ARHGAP24: variants seen among roughly 807,000 people sequenced by gnomAD.
ARHGAP24 encodes rho GTPase-activating protein 24.
Under a neutral mutation model 76.4 loss-of-function variants are expected in ARHGAP24, and 50 were observed. That is an observed-to-expected ratio of 0.65 (90% confidence interval 0.52 to 0.83). ARHGAP24 has a LOEUF of 0.83. Ranked by LOEUF, ARHGAP24 falls within the 40% of genes least tolerant of loss-of-function variation. The pLI, the probability that ARHGAP24 is intolerant of heterozygous loss-of-function variation, is 0.00. For missense variants in ARHGAP24, 930 were observed against 914.2 expected (o/e 1.02, Z -0.22); for synonymous variants, 345 against 323.3 (o/e 1.07, Z -0.72).
chr4:85,730,346 G>T (rs1725354622), intron 3 of ARHGAP24, among the ~76,000 whole-genome samples: 3 of 152,162 alleles, frequency 2.0e-5, no homozygotes. Flanking sequence ...AGCAACTCTG[G>T]CAAGATCAAA....
intron 1 of ARHGAP24, among the ~76,000 whole-genome samples, chr4:85,565,037 A>G (rs770443138): frequency 2.0e-5 from 3 of 148,680 alleles, no homozygotes; most frequent in Non-Finnish European, 4.5e-5. Flanking sequence ...ATGTATACCT[A>G]TAAACACATG....
At chr4:85,564,404 G>GT (rs1726729513) in intron 1 of ARHGAP24, among the ~76,000 whole-genome samples, 1 of 142,400 alleles carries the variant, frequency 7.0e-6, no homozygotes, top group African/African-American at 3.0e-5. Flanking sequence ...GGGGTGGGGG[G>GT]AGCGGGGGGG....
At chr4:85,506,922 A>C (rs1273538921) in intron 1 of ARHGAP24, among the ~76,000 whole-genome samples, 2 of 152,194 alleles carry the variant, frequency 1.3e-5, no homozygotes, top group Non-Finnish European at 2.9e-5. Flanking sequence ...GGAACTTAGA[A>C]ATGTGATAAA....
At chr4:85,887,282 A>AT (rs1408948824) in intron 3 of ARHGAP24, among the ~76,000 whole-genome samples, 10 of 152,302 alleles carry the variant, frequency 6.6e-5, no homozygotes, top group Non-Finnish European at 1.2e-4. Context: ...TTCTTTGCTG[A>AT]TTAGAGTATT....
intron 4 of ARHGAP24, among the ~76,000 whole-genome samples, chr4:85,940,232 A>G (rs994031366): frequency 6.6e-6 from 1 of 152,128 alleles, no homozygotes; most frequent in Non-Finnish European, 1.5e-5. Flanking sequence ...TCTCACATTA[A>G]AAGCTATCTG....
chr4:85,556,777 C>T (rs1486260348), intron 1 of ARHGAP24, among the ~76,000 whole-genome samples: 9 of 152,164 alleles, frequency 5.9e-5, no homozygotes, highest in Admixed American at 2.6e-4. Context: ...ACTCCACTCC[C>T]TCCTGAGCCT....
intron 2 of ARHGAP24, chr4:85,604,072 T>C (rs1720115724): frequency 6.6e-6 from 1 of 152,218 alleles, no homozygotes; most frequent in South Asian, 2.1e-4. Flanking sequence ...TAGAACAAGA[T>C]GTTGCCCTAG....
intron 3 of ARHGAP24, among the ~76,000 whole-genome samples, chr4:85,725,613 T>C (rs1258214731): frequency 6.6e-6 from 1 of 152,230 alleles, no homozygotes; most frequent in Non-Finnish European, 1.5e-5. Flanking sequence ...CAGACTTTCC[T>C]CTCTAAAGGC....
At chr4:85,863,889 G>A (rs773471552) in intron 3 of ARHGAP24, among the ~76,000 whole-genome samples, 4 of 151,990 alleles carry the variant, frequency 2.6e-5, no homozygotes, top group Non-Finnish European at 4.4e-5. Context: ...GTCTCCAAGC[G>A]GAAAAAGACC....
intron 2 of ARHGAP24, among the ~76,000 whole-genome samples, chr4:85,585,159 T>A (rs1249990694): frequency 6.6e-6 from 1 of 152,246 alleles, no homozygotes; most frequent in African/African-American, 2.4e-5. Context: ...ATCAATGCCA[T>A]GCAATATAAA....
intron 2 of ARHGAP24, among the ~76,000 whole-genome samples, chr4:85,689,399 T>C (rs1304253165): frequency 1.3e-5 from 2 of 152,152 alleles, no homozygotes; most frequent in Non-Finnish European, 2.9e-5. Context: ...ATTTTTAATT[T>C]TTTTTGAAAC....
At chr4:85,562,674 C>T (rs1158611110) in intron 1 of ARHGAP24, among the ~76,000 whole-genome samples, 1 of 152,178 alleles carries the variant, frequency 6.6e-6, no homozygotes, top group Non-Finnish European at 1.5e-5. Flanking sequence ...CACACTCTTA[C>T]TTTCAGCCAA....
intron 3 of ARHGAP24, among the ~76,000 whole-genome samples, chr4:85,852,413 A>G (rs1731288061): frequency 6.6e-6 from 1 of 151,918 alleles, no homozygotes; most frequent in Admixed American, 6.6e-5. Context: ...TAGCTCAGAG[A>G]AATTTGTTTT....
chr4:85,976,541 A>T (rs1036226372), intron 7 of ARHGAP24, among the ~76,000 whole-genome samples: 2 of 152,124 alleles, frequency 1.3e-5, no homozygotes, highest in African/African-American at 2.4e-5. Flanking sequence ...TGTTATTTTA[A>T]TTTTTCATTA....
intron 2 of ARHGAP24, among the ~76,000 whole-genome samples, chr4:85,597,818 T>C: frequency 6.6e-6 from 1 of 152,134 alleles, no homozygotes; most frequent in East Asian, 1.9e-4. Context: ...GTATGTGAAA[T>C]TAACTTTCAG....
At chr4:85,715,022 G>A (rs1015568297) in intron 2 of ARHGAP24, among the ~76,000 whole-genome samples, 1 of 152,004 alleles carries the variant, frequency 6.6e-6, no homozygotes, top group East Asian at 1.9e-4. Flanking sequence ...TGTTCCCTGA[G>A]CTTTAATTTT....
chr4:85,614,874 A>G (rs1720497398), intron 2 of ARHGAP24, among the ~76,000 whole-genome samples: 1 of 152,136 alleles, frequency 6.6e-6, no homozygotes, highest in African/African-American at 2.4e-5. Flanking sequence ...AAACTAGGCC[A>G]TCAGAGTCAC....
chr4:85,503,030 G>T (rs1440254699), intron 1 of ARHGAP24, among the ~76,000 whole-genome samples: 1 of 152,166 alleles, frequency 6.6e-6, no homozygotes, highest in Non-Finnish European at 1.5e-5. Context: ...TTATTGATTT[G>T]CATATGTTGA....
chr4:85,909,022 T>G (rs906959281), intron 3 of ARHGAP24, among the ~76,000 whole-genome samples: 2 of 152,208 alleles, frequency 1.3e-5, no homozygotes, highest in African/African-American at 4.8e-5. Flanking sequence ...ATAATTCCAA[T>G]TCACTAATCA....
Sources: allele counts gnomAD v4.1 joint callset (sites outside exome capture counted in the v4.1 genomes callset), GRCh38; gene constraint gnomAD v4.1.1; transcripts MANE v1.5; gene names NCBI Gene and HGNC (gene_info 2026-07-23, HGNC 2026-07-21).